The following CACNA2D2 variants were observed in gnomAD, a reference collection of about 807,000 sequenced individuals.
The protein encoded by CACNA2D2 is voltage-dependent calcium channel subunit alpha-2/delta-2.
In CACNA2D2, 48 loss-of-function variants were observed where a neutral mutation model predicts 166.4. That is an observed-to-expected ratio of 0.29 (90% confidence interval 0.23 to 0.37). The LOEUF (loss-of-function observed/expected upper bound fraction) is 0.37. Ranked by LOEUF, CACNA2D2 falls within the 10% of genes least tolerant of loss-of-function variation. CACNA2D2 has a pLI of 1.00. For synonymous variants in CACNA2D2, 561 were observed against 573.7 expected, an observed-to-expected ratio of 0.98 and a Z score of 0.32; for missense variants, 1,122 against 1,433.0, an observed-to-expected ratio of 0.78 and a Z score of 3.50.
Position 50,375,663 on chromosome 3 carries a change from T to C in CACNA2D2, c.1888A>G (p.Ile630Val), listed in dbSNP as rs1704933538. ...ACTTACCTGTAGTTAGTGCTCCTTA[T>C]AGGCACCCAGGTGTAGTTCCGTGTC... is the stretch of plus-strand genomic sequence containing the variant. ...EVTRNYTWVPIRSTNYSLGLV... is the reference protein window; with the variant it reads ...EVTRNYTWVPVRSTNYSLGLV... The change falls in exon 21 of 38, where the codon ATA (isoleucine) becomes GTA (valine). Residue 630 changes from isoleucine (I) to valine (V), a missense_variant. Transcript: ENST00000424201. The surrounding 1 kb of genome is among the most constrained non-coding windows in gnomAD (Gnocchi z 4.0). 4.3e-6 allele frequency: 7 copies of C among 1,613,048 alleles called. No individual in the cohort carries two copies. Among genetic ancestry groups the C allele is most frequent in the East Asian group, 2.2e-5 (1 of 44,876 alleles).
intron 2 of CACNA2D2, among the ~76,000 whole-genome samples, chr3:50,471,818 C>G (rs1031529202): frequency 1.3e-5 from 2 of 152,228 alleles, no homozygotes; most frequent in African/African-American, 4.8e-5. Flanking sequence ...ATTAATTACA[C>G]ATTCCTGAGG....
At chr3:50,482,785 C>A (rs903527548) in intron 1 of CACNA2D2, among the ~76,000 whole-genome samples, 3 of 152,256 alleles carry the variant, frequency 2.0e-5, no homozygotes, top group African/African-American at 7.2e-5. Flanking sequence ...GTCCAAGGAG[C>A]CCTGGGGAAG....
chr3:50,419,810 C>T (rs993817455), intron 3 of CACNA2D2: 2 of 152,256 alleles, frequency 1.3e-5, no homozygotes, highest in African/African-American at 4.8e-5. Context: ...TGAACGTGCA[C>T]TATCTCTTCT....
chr3:50,493,007 G>A (rs1698580180), intron 1 of CACNA2D2, among the ~76,000 whole-genome samples: 1 of 152,206 alleles, frequency 6.6e-6, no homozygotes, highest in Admixed American at 6.5e-5. Flanking sequence ...CCTAACATGT[G>A]TGAAATATAC....
chr3:50,416,323 GA>G (rs975822872), intron 3 of CACNA2D2: 1 of 152,526 alleles, frequency 6.6e-6, no homozygotes, highest in African/African-American at 2.4e-5. Context: ...TTCCCAGGAA[GA>G]AAGGAGGAGG....
Position 50,367,842 on chromosome 3 carries a change from T to C in CACNA2D2, c.2204A>G (p.Glu735Gly). 2 of 1,605,606 alleles carry C rather than the reference T, an allele frequency of 1.2e-6. No individual in the cohort carries two copies. The highest frequency in any genetic ancestry group is 1.7e-6 in the Non-Finnish European group (2 of 1,176,100). ...GAGATCCTGGTCCCTCCACACACGC[T>C]CTACCAGCTGCTGCGTGATGCCCGT... Reference protein sequence around the residue: ...LDTGITQQLVERVWRDQDLNT... With the variant: ...LDTGITQQLVGRVWRDQDLNT... Residue 735 changes from glutamate to glycine, a missense_variant, in exon 25 of 38, where the codon GAG becomes GGG. Coordinates refer to ENST00000424201, the MANE Select transcript of CACNA2D2 (RefSeq NM_006030.4). The surrounding 1 kb of genome is among the most constrained non-coding windows in gnomAD (Gnocchi z 6.5).
At chr3:50,368,306 A>G in intron 23 of CACNA2D2, 71 bp from the exon 24 acceptor site, 1 of 948,902 alleles carries the variant, frequency 1.1e-6, no homozygotes, top group Non-Finnish European at 1.7e-6. Context: ...AGGCTTCCCA[A>G]CAGGCCCACT....
rs751148240 is a variant in CACNA2D2 at position 50,375,606 on chromosome 3, C to A, written c.1907+38G>T. 3.1e-6 allele frequency: 5 copies of A among 1,606,330 alleles called. No homozygotes were observed. The highest frequency in any genetic ancestry group is 2.7e-5 in the African/African-American group (2 of 74,790). ...AGCTGGGCTCAGATTCTGGGGCCAC[C>A]CCACCCTCTCTGCCCGCCCAGCCCT... On this transcript the variant is annotated intron_variant, in intron 21 of 37. Transcript: ENST00000424201. This position sits in a 1 kb window ranked among gnomAD's most constrained non-coding sequence, Gnocchi z 4.0.
intron 2 of CACNA2D2, among the ~76,000 whole-genome samples, chr3:50,439,964 A>G (rs1324018358): frequency 1.3e-5 from 2 of 152,184 alleles, no homozygotes; most frequent in African/African-American, 4.8e-5. Context: ...CTCAGTGAGA[A>G]AATAGAGGGT....
In CACNA2D2 at chr3:50,374,612, G is replaced by A. The variant is rs928800072; in HGVS notation, c.1984+125C>T. On this transcript the variant is annotated intron_variant, in intron 22 of 37. Coordinates refer to ENST00000424201, the MANE Select transcript of CACNA2D2 (RefSeq NM_006030.4). ...GGTGCCCCAGCCTGCGGGCACCTGAGGGTGGGCAGACTGGGCAGGAGGGAC... is the reference window on the plus strand; with the variant it reads ...GGTGCCCCAGCCTGCGGGCACCTGAAGGTGGGCAGACTGGGCAGGAGGGAC... 1.2e-5 allele frequency: 12 copies of A among 1,029,726 alleles called. No homozygotes were observed. In the African/African-American group the frequency reaches 1.9e-4, roughly 17 times the overall value. 63.8% of individuals were successfully genotyped at this position (1,029,726 alleles called of 1,614,324 possible).
In CACNA2D2 at chr3:50,434,293, C is replaced by T. The variant is rs3213520; in HGVS notation, c.405+20G>A. The T allele has an allele frequency of 3.1e-3, 4,819 of 1,567,680 alleles. 82 individuals are homozygous for T. In the East Asian group the frequency reaches 0.053, roughly 17 times the overall value. On this transcript the variant is annotated intron_variant, in intron 3 of 37. Coordinates refer to ENST00000424201, the MANE Select transcript of CACNA2D2 (RefSeq NM_006030.4). ...GCCCTCCCTCAGTGCCGCCCCCCTGCCCCCAAAACACACACCTACCTTCAG... is the reference window on the plus strand; with the variant it reads ...GCCCTCCCTCAGTGCCGCCCCCCTGTCCCCAAAACACACACCTACCTTCAG...
chr3:50,460,555 T>C lies in CACNA2D2; in HGVS notation c.288+15563A>G, dbSNP rs12638110. 2.3e-4 allele frequency among the ~76,000 whole-genome samples: 35 copies of C among 152,188 alleles called. No individual in the cohort carries two copies. The East Asian group carries it at 5.6e-3, about 24-fold the overall frequency. On this transcript the variant is annotated intron_variant, in intron 2 of 37. Coordinates refer to ENST00000424201, the MANE Select transcript of CACNA2D2 (RefSeq NM_006030.4). ...GCAAGAATGAAACAAGAACAAGATATTATTCTTAAAAAGGTCCGGCTGGGC... is the reference window on the plus strand; with the variant it reads ...GCAAGAATGAAACAAGAACAAGATACTATTCTTAAAAAGGTCCGGCTGGGC...
chr3:50,485,990 G>C (rs1698262628), intron 1 of CACNA2D2, among the ~76,000 whole-genome samples: 1 of 152,160 alleles, frequency 6.6e-6, no homozygotes, highest in African/African-American at 2.4e-5. Flanking sequence ...ACAGACTATG[G>C]GCATTTTGGG....
At chr3:50,483,592 T>C (rs1184208569) in intron 1 of CACNA2D2, among the ~76,000 whole-genome samples, 1 of 152,142 alleles carries the variant, frequency 6.6e-6, no homozygotes, top group Non-Finnish European at 1.5e-5. Context: ...CAATATTTAC[T>C]CATAGCAGCC....
chr3:50,373,197 G>A, intron 22 of CACNA2D2: 1 of 885,664 alleles, frequency 1.1e-6, no homozygotes, highest in Admixed American at 2.3e-5. Context: ...TTTATTCAAT[G>A]GCTGTTTGAA....
Position 50,375,686 on chromosome 3 carries a change from G to A in CACNA2D2, c.1865C>T (p.Thr622Ile). The A allele has an allele frequency of 1.2e-6, 2 of 1,613,286 alleles. No homozygotes were observed. The highest frequency in any genetic ancestry group is 1.7e-6 in the Non-Finnish European group (2 of 1,179,920). Residue 622 changes from threonine (T) to isoleucine (I), a missense_variant, in exon 21 of 38, where the codon ACA (threonine) becomes ATA (isoleucine). Thr to Ile is a moderately conservative substitution (Grantham distance 89, BLOSUM62 -1). Transcript: ENST00000424201. This position sits in a 1 kb window ranked among gnomAD's most constrained non-coding sequence, Gnocchi z 4.0. Reference protein sequence around the residue: ...SLDERYIDEVTRNYTWVPIRS... With the variant: ...SLDERYIDEVIRNYTWVPIRS... Reference sequence around the variant, plus strand: ...TATAGGCACCCAGGTGTAGTTCCGTGTCACCTCATCTATGTACCTCTGGGA... The same window carrying A: ...TATAGGCACCCAGGTGTAGTTCCGTATCACCTCATCTATGTACCTCTGGGA...
At chr3:50,488,975 T>C (rs1020717002) in intron 1 of CACNA2D2, among the ~76,000 whole-genome samples, 5 of 152,092 alleles carry the variant, frequency 3.3e-5, no homozygotes, top group African/African-American at 4.8e-5. Flanking sequence ...GCTGGGATTA[T>C]AGGCATGAGC....
intron 5 of CACNA2D2, among the ~76,000 whole-genome samples, chr3:50,386,528 G>A (rs1025726187): frequency 7.2e-5 from 11 of 152,176 alleles, no homozygotes; most frequent in Non-Finnish European, 1.6e-4. Flanking sequence ...TGGGAGCCAC[G>A]GAGCTCAGCC....
chr3:50,368,211 G>A lies in CACNA2D2; in HGVS notation c.2070C>T (p.Ala690=), dbSNP rs1704455606. Residue 690 remains alanine, a synonymous_variant, in exon 24 of 38, where the codon GCC becomes GCT. Transcript: ENST00000424201. Reference sequence around the variant, plus strand: ...TCAGGAACTCGGTGTTGTTGTCTGAGGCATTCAGGTCCTTGCAGTACTCTC... The same window carrying A: ...TCAGGAACTCGGTGTTGTTGTCTGAAGCATTCAGGTCCTTGCAGTACTCTC... ...APREYCKDLN[A]SDNNTEFLKN... The A allele has an allele frequency of 6.2e-7, 1 of 1,613,348 alleles. No individual in the cohort carries two copies. The highest frequency in any genetic ancestry group is 8.5e-7 in the Non-Finnish European group (1 of 1,179,368).
Sources: allele counts gnomAD v4.1 joint callset (sites outside exome capture counted in the v4.1 genomes callset), GRCh38; gene constraint gnomAD v4.1.1; non-coding constraint Gnocchi (gnomAD v3.1); transcripts MANE v1.5; gene names NCBI Gene and HGNC (gene_info 2026-07-23, HGNC 2026-07-21).